Variants in DZIP3 observed in about 807,000 individuals in gnomAD.
DZIP3 encodes the protein DAZ interacting zinc finger protein 3, also known as E3 ubiquitin-protein ligase DZIP3.
Under a neutral mutation model 162.0 loss-of-function variants are expected in DZIP3, and 118 were observed. The ratio of observed to expected loss-of-function variants is 0.73; its 90% CI spans 0.63 to 0.85. DZIP3 has a LOEUF of 0.85. Among genes scored for constraint, DZIP3 ranks in the 40% least tolerant of loss-of-function variants. The pLI is 0.00. For missense variants in DZIP3, 1,331 were observed against 1,407.0 expected, an observed-to-expected ratio of 0.95 and a Z score of 0.86; for synonymous variants, 438 against 458.6, an observed-to-expected ratio of 0.96 and a Z score of 0.57.
In DZIP3 at chr3:108,642,432, T is replaced by C. The variant is rs201760616; in HGVS notation, c.1065-6T>C. The C allele has an allele frequency of 1.8e-5, 26 of 1,474,408 alleles. No individual in the cohort carries two copies. The Middle Eastern group carries it at 1.3e-3, about 75-fold the overall frequency. 91.3% of individuals were successfully genotyped at this position (1,474,408 alleles called of 1,614,324 possible). ...CCACTATAACTTAATTTTTTTCCTT[T>C]TGCAGTTATAGAAAGTTGATATCTC... On this transcript the variant is annotated splice_polypyrimidine_tract_variant and splice_region_variant and intron_variant, in intron 12 of 32. Coordinates refer to ENST00000361582, the MANE Select transcript of DZIP3 (RefSeq NM_014648.4).
intron 31 of DZIP3, among the ~76,000 whole-genome samples, chr3:108,689,221 GT>G (rs1226138699): frequency 2.6e-5 from 4 of 152,198 alleles, no homozygotes; most frequent in Non-Finnish European, 5.9e-5. Context: ...TGACGTGGTA[GT>G]TTAGTGGCAG....
At chr3:108,671,544 C>T (rs1021050866) in intron 22 of DZIP3, among the ~76,000 whole-genome samples, 2 of 151,862 alleles carry the variant, frequency 1.3e-5, no homozygotes, top group African/African-American at 4.8e-5. Flanking sequence ...CATCATCTTC[C>T]TCCTTCCCTC....
chr3:108,686,636 A>T (rs1294270967), intron 28 of DZIP3, 52 bp downstream of exon 28: 1 of 1,428,480 alleles, frequency 7.0e-7, no homozygotes, highest in African/African-American at 1.4e-5. Context: ...TCCAGTTTTC[A>T]TAGCCATAAT....
chr3:108,620,089 T>A (rs1941248033), intron 5 of DZIP3, among the ~76,000 whole-genome samples: 1 of 152,128 alleles, frequency 6.6e-6, no homozygotes. Flanking sequence ...AAGACACAGG[T>A]GAAGTCTGAC....
intron 4 of DZIP3, among the ~76,000 whole-genome samples, chr3:108,615,512 A>G (rs1444242982): frequency 6.6e-6 from 1 of 152,192 alleles, no homozygotes; most frequent in Non-Finnish European, 1.5e-5. Flanking sequence ...CATTAAATTG[A>G]TTGCTAGGGA....
chr3:108,593,676 CTTT>C (rs79432134), intron 1 of DZIP3, among the ~76,000 whole-genome samples: 2 of 121,030 alleles, frequency 1.7e-5, no homozygotes, highest in African/African-American at 6.0e-5. Context: ...GAATTTCTTT[CTTT>C]TTTTTTTTTT....
chr3:108,651,709 C>T (rs1280953176), intron 18 of DZIP3, among the ~76,000 whole-genome samples: 1 of 151,588 alleles, frequency 6.6e-6, no homozygotes, highest in Non-Finnish European at 1.5e-5. Flanking sequence ...TTAATGGAAA[C>T]ATTTTAATGG....
At chr3:108,667,139 G>A (rs1328394146) in intron 21 of DZIP3, among the ~76,000 whole-genome samples, 1 of 151,632 alleles carries the variant, frequency 6.6e-6, no homozygotes. Context: ...GGGCAACATA[G>A]CAAGGCTCCA....
intron 26 of DZIP3, 105 bp downstream of exon 26, chr3:108,677,703 A>G (rs1198861180): frequency 1.0e-6 from 1 of 985,846 alleles, no homozygotes; most frequent in African/African-American, 1.6e-5. Flanking sequence ...TTCAAAATGG[A>G]ATAGGCACAT....
chr3:108,630,113 A>G (rs1318265639), intron 8 of DZIP3, among the ~76,000 whole-genome samples: 1 of 151,958 alleles, frequency 6.6e-6, no homozygotes, highest in African/African-American at 2.4e-5. Flanking sequence ...ATATTCTTCA[A>G]ATAGTGTGAG....
intron 19 of DZIP3, 103 bp from the exon 20 acceptor site, chr3:108,661,774 C>A: frequency 1.2e-6 from 1 of 819,484 alleles, no homozygotes; most frequent in Non-Finnish European, 1.9e-6. Flanking sequence ...TGACTTGAGA[C>A]AAAAAACGTG....
At chr3:108,615,261 G>A (rs1284072815) in intron 4 of DZIP3, among the ~76,000 whole-genome samples, 1 of 152,146 alleles carries the variant, frequency 6.6e-6, no homozygotes, top group East Asian at 1.9e-4. Context: ...TTGTCCCGTT[G>A]TTTTAGTTAT....
At chr3:108,657,197 A>G (rs1034699613) in intron 19 of DZIP3, among the ~76,000 whole-genome samples, 4 of 152,202 alleles carry the variant, frequency 2.6e-5, no homozygotes, top group African/African-American at 7.2e-5. Context: ...CAGATTCACC[A>G]AAGTTGAAAT....
intron 8 of DZIP3, among the ~76,000 whole-genome samples, chr3:108,631,051 A>ACTCT (rs1431834911): frequency 1.3e-3 from 54 of 41,950 alleles, no homozygotes; most frequent in African/African-American, 2.8e-3. Context: ...ACACACACAC[A>ACTCT]CACACTCTCT....
At chr3:108,611,055 GC>G in intron 3 of DZIP3, 118 bp from the exon 4 acceptor site, 1 of 942,668 alleles carries the variant, frequency 1.1e-6, no homozygotes, top group Non-Finnish European at 1.6e-6. Context: ...TGTCATAGAA[GC>G]TAGGAGAACA....
rs1944781024 is a variant in DZIP3, at chr3:108,693,611, A to G, written c.*258A>G. 1 of 152,206 alleles carries G rather than the reference A, an allele frequency of 6.6e-6. No individual in the cohort carries two copies. Among genetic ancestry groups the G allele is most frequent in the African/African-American group, 2.4e-5 (1 of 41,466 alleles). The allele number at this position is 152,206 out of a possible 1,614,324, so 9.4% of individuals were successfully genotyped here. A position where few individuals can be genotyped will look rare whatever the true frequency, so the allele number is the denominator to read the frequency against. ...ACCAGCATACCACTGGACCTTGTCTAAAATTTCTTTGTGTTCCCAGTGTCT... is the reference window on the plus strand; with the variant it reads ...ACCAGCATACCACTGGACCTTGTCTGAAATTTCTTTGTGTTCCCAGTGTCT... On this transcript the variant is annotated 3_prime_UTR_variant, in exon 33 of 33. Transcript: ENST00000361582.
chr3:108,673,959 C>T (rs765707236), intron 23 of DZIP3, 119 bp from the exon 24 acceptor site: 146 of 769,988 alleles, frequency 1.9e-4, no homozygotes, highest in Non-Finnish European at 3.0e-4. Context: ...GTCAAGGAAC[C>T]TAGATGCTAT....
chr3:108,675,802 C>T lies in DZIP3; in HGVS notation c.2710C>T (p.Gln904Ter). The change falls in exon 25 of 33, where the codon CAA becomes TAA. Residue 904 changes from glutamine (Q) to a stop codon, truncating the protein, a stop_gained. Transcript: ENST00000361582. LOFTEE classifies it high-confidence loss of function. Reference sequence around the variant, plus strand: ...CTACAACAGCAACCTAGAATCACTTCAATTAAAGGCTGCGGTAGACAGTTG... The same window carrying T: ...CTACAACAGCAACCTAGAATCACTTTAATTAAAGGCTGCGGTAGACAGTTG... Reference protein sequence around the residue: ...HMAASNLESLQLKAAVDSWNA... With the variant: ...HMAASNLESL 6.2e-7 allele frequency: 1 copy of T among 1,606,440 alleles called. No individual in the cohort carries two copies. Among genetic ancestry groups the T allele is most frequent in the Non-Finnish European group, 8.5e-7 (1 of 1,177,004 alleles).
intron 3 of DZIP3, among the ~76,000 whole-genome samples, chr3:108,610,873 TAAC>T (rs1358681414): frequency 2.0e-5 from 3 of 152,216 alleles, no homozygotes; most frequent in African/African-American, 7.2e-5. Flanking sequence ...TTTGAACTAT[TAAC>T]AACTATTCAT....
Sources: allele counts gnomAD v4.1 joint callset (sites outside exome capture counted in the v4.1 genomes callset), GRCh38; gene constraint gnomAD v4.1.1; transcripts MANE v1.5; gene names NCBI Gene and HGNC (gene_info 2026-07-23, HGNC 2026-07-21).